The following PGM5 variants were observed in gnomAD, a reference collection of about 807,000 sequenced individuals.
PGM5 encodes phosphoglucomutase-like protein 5.
A neutral mutation model predicts 59.2 loss-of-function variants in PGM5; 23 were observed. The ratio of observed to expected loss-of-function variants is 0.39; its 90% CI spans 0.28 to 0.55. PGM5 has a LOEUF of 0.55. Among genes scored for constraint, PGM5 ranks in the 20% least tolerant of loss-of-function variants. The probability of loss-of-function intolerance (pLI) is 0.66; values close to 1 mark genes in which losing one functional copy is unlikely to be tolerated. For missense variants in PGM5, 574 were observed against 748.3 expected (o/e 0.77, Z 2.72); for synonymous variants, 214 against 286.0 (o/e 0.75, Z 2.54).
At chr9:68,371,628 T>C (rs1183472925) in intron 1 of PGM5, 1 of 150,824 alleles carries the variant, frequency 6.6e-6, no homozygotes, top group Non-Finnish European at 1.5e-5. Flanking sequence ...ATGCAGAGCC[T>C]CAGAGAAGTT....
chr9:68,458,550 C>T (rs531777463), intron 6 of PGM5, among the ~76,000 whole-genome samples: 18 of 152,242 alleles, frequency 1.2e-4, no homozygotes, highest in Admixed American at 5.2e-4. Flanking sequence ...GTGATAATAT[C>T]GCAACTCTGT....
intron 9 of PGM5, among the ~76,000 whole-genome samples, chr9:68,485,387 G>C (rs1392873895): frequency 6.6e-6 from 1 of 152,152 alleles, no homozygotes; most frequent in Non-Finnish European, 1.5e-5. Flanking sequence ...ACGTGTCATG[G>C]GAGGGACCAG....
intron 1 of PGM5, among the ~76,000 whole-genome samples, chr9:68,373,601 TA>T (rs1554677327): frequency 6.6e-6 from 1 of 152,196 alleles, no homozygotes; most frequent in Non-Finnish European, 1.5e-5. Flanking sequence ...TGTAATAGCA[TA>T]AAATAATTTT....
intron 6 of PGM5, among the ~76,000 whole-genome samples, chr9:68,414,884 G>A (rs1377242339): frequency 2.1e-5 from 3 of 144,178 alleles, no homozygotes; most frequent in African/African-American, 5.5e-5. Flanking sequence ...GGCAGTGGAC[G>A]GCCATCAGTA....
At chr9:68,394,078 A>G (rs1414887332) in intron 6 of PGM5, 5 of 152,066 alleles carry the variant, frequency 3.3e-5, no homozygotes, top group Admixed American at 2.6e-4. Flanking sequence ...GTGGCAATAG[A>G]AATTATTACA....
chr9:68,464,321 A>G (rs186519429), intron 6 of PGM5, among the ~76,000 whole-genome samples: 382 of 152,258 alleles, frequency 2.5e-3, no homozygotes, highest in South Asian at 9.6e-3. Context: ...CTTATAGGGG[A>G]GTGAGGAAGG....
chr9:68,529,628 G>C lies in PGM5; in HGVS notation c.1676G>C (p.Gly559Ala). ...ATATCCCAGATTCATGAGAGAACTG[G>C]CCGGAGGGGACCCACTGTCATCACC... ...LKISQIHERT[G>A]RRGPTVIT Residue 559 changes from glycine (G) to alanine (A), a missense_variant, in exon 11 of 11, where the codon GGC becomes GCC. Coordinates refer to ENST00000396396, the MANE Select transcript of PGM5 (RefSeq NM_021965.4). 6 of 1,600,022 alleles carry C rather than the reference G, an allele frequency of 3.7e-6. No homozygotes were observed. The highest frequency in any genetic ancestry group is 5.1e-6 in the Non-Finnish European group (6 of 1,170,918).
chr9:68,515,547 C>A (rs1307180661), intron 10 of PGM5, among the ~76,000 whole-genome samples: 1 of 152,168 alleles, frequency 6.6e-6, no homozygotes, highest in Admixed American at 6.5e-5. Flanking sequence ...TCACCTTACG[C>A]AACTGCAATC....
At chr9:68,441,949 G>GA (rs1446010423) in intron 6 of PGM5, among the ~76,000 whole-genome samples, 3 of 151,878 alleles carry the variant, frequency 2.0e-5, no homozygotes, top group Admixed American at 6.6e-5. Context: ...AAACTGAATT[G>GA]AAAAAAGCAA....
chr9:68,406,002 C>G (rs527552398), intron 6 of PGM5: 1 of 152,278 alleles, frequency 6.6e-6, no homozygotes, highest in South Asian at 2.1e-4. Flanking sequence ...CACACAGATT[C>G]TACTACCTAT....
chr9:68,409,569 T>A (rs1467432143), intron 6 of PGM5, among the ~76,000 whole-genome samples: 1 of 148,136 alleles, frequency 6.8e-6, no homozygotes, highest in Non-Finnish European at 1.5e-5. Flanking sequence ...GTTCATGACC[T>A]TTGTAGGGAC....
chr9:68,380,865 C>A (rs1822055101), intron 2 of PGM5, among the ~76,000 whole-genome samples: 1 of 151,700 alleles, frequency 6.6e-6, no homozygotes, highest in Non-Finnish European at 1.5e-5. Flanking sequence ...AAAAACTAAC[C>A]CAACAAGATT....
intron 6 of PGM5, among the ~76,000 whole-genome samples, chr9:68,409,475 C>T (rs1822882693): frequency 7.8e-6 from 1 of 127,474 alleles, no homozygotes; most frequent in Admixed American, 8.3e-5. Flanking sequence ...GGAACCAACC[C>T]AAATGTCCAA....
intron 6 of PGM5, among the ~76,000 whole-genome samples, chr9:68,464,021 T>C (rs1823896040): frequency 6.6e-6 from 1 of 152,184 alleles, no homozygotes; most frequent in African/African-American, 2.4e-5. Context: ...CTGGGTTATA[T>C]TTATGAGATT....
chr9:68,359,845 TA>T (rs1408285061), intron 1 of PGM5, among the ~76,000 whole-genome samples: 1 of 152,260 alleles, frequency 6.6e-6, no homozygotes, highest in Non-Finnish European at 1.5e-5. Flanking sequence ...TTTTTTAAAT[TA>T]AATTTCATTT....
intron 6 of PGM5, among the ~76,000 whole-genome samples, chr9:68,422,832 G>A (rs1823157024): frequency 6.6e-6 from 1 of 152,140 alleles, no homozygotes; most frequent in East Asian, 1.9e-4. Flanking sequence ...CACCTGAGCA[G>A]TACACAGTGC....
intron 6 of PGM5, among the ~76,000 whole-genome samples, chr9:68,463,811 C>T (rs1258195279): frequency 2.0e-5 from 3 of 152,126 alleles, no homozygotes; most frequent in Non-Finnish European, 4.4e-5. Context: ...GCTGGCAATA[C>T]AGCAGACAGT....
intron 6 of PGM5, among the ~76,000 whole-genome samples, chr9:68,410,108 C>T (rs868921786): frequency 9.2e-5 from 14 of 152,264 alleles, no homozygotes; most frequent in South Asian, 4.2e-4. Flanking sequence ...GTGGGAGCTC[C>T]GGCCACCATG....
chr9:68,446,863 A>G (rs941542781), intron 6 of PGM5, among the ~76,000 whole-genome samples: 3 of 152,212 alleles, frequency 2.0e-5, no homozygotes, highest in Middle Eastern at 3.2e-3. Flanking sequence ...TCTCTCTGGT[A>G]AAACATCCTC....
Sources: allele counts gnomAD v4.1 joint callset (sites outside exome capture counted in the v4.1 genomes callset), GRCh38; gene constraint gnomAD v4.1.1; transcripts MANE v1.5; gene names NCBI Gene and HGNC (gene_info 2026-07-23, HGNC 2026-07-21).